The following SLF2 variants were observed in gnomAD, a reference collection of about 807,000 sequenced individuals.
SLF2 encodes the protein SMC5-SMC6 complex localization factor protein 2.
In SLF2, 68 loss-of-function variants were observed where a neutral mutation model predicts 124.3. That is an observed-to-expected ratio of 0.55 (90% CI 0.45 to 0.67). SLF2 has a LOEUF of 0.67. SLF2 is among the 30% of genes least tolerant of loss of function. The probability of loss-of-function intolerance (pLI) is 0.00; values close to 1 mark genes in which losing one functional copy is unlikely to be tolerated. For missense variants in SLF2, 1,246 were observed against 1,373.7 expected, an observed-to-expected ratio of 0.91 and a Z score of 1.47; for synonymous variants, 480 against 478.8, an observed-to-expected ratio of 1.00 and a Z score of -0.03.
intron 18 of SLF2, among the ~76,000 whole-genome samples, chr10:100,957,330 ATTTTTTTTTTTT>A (rs71013477): frequency 1.1e-4 from 10 of 91,866 alleles, no homozygotes; most frequent in Admixed American, 4.3e-4. Flanking sequence ...GGAGTCTTCA[ATTTTTTTTTTTT>A]TTTTTTTTTT....
intron 9 of SLF2, among the ~76,000 whole-genome samples, chr10:100,932,728 C>T (rs938365182): frequency 1.3e-4 from 20 of 150,236 alleles, no homozygotes; most frequent in Middle Eastern, 3.4e-3. Context: ...TGTGCGCGCG[C>T]GCGCGCGCGC....
chr10:100,938,528 T>C, intron 10 of SLF2, 67 bp from the exon 11 acceptor site: 2 of 1,480,220 alleles, frequency 1.4e-6, no homozygotes, highest in Non-Finnish European at 1.8e-6. Context: ...ACCTGCAGAC[T>C]GTCACCTTGC....
At chr10:100,931,781 C>T (rs895889880) in intron 9 of SLF2, among the ~76,000 whole-genome samples, 3 of 151,998 alleles carry the variant, frequency 2.0e-5, no homozygotes, top group African/African-American at 7.3e-5. Context: ...ATCATGAGGT[C>T]AGGAGCTGGA....
chr10:100,931,696 T>C (rs1564775582), intron 9 of SLF2, among the ~76,000 whole-genome samples: 1 of 152,188 alleles, frequency 6.6e-6, no homozygotes, highest in Non-Finnish European at 1.5e-5. Context: ...AGTTTCTTAC[T>C]CTTGACATTT....
chr10:100,956,955 A>G (rs553524224), intron 18 of SLF2, among the ~76,000 whole-genome samples: 1 of 152,310 alleles, frequency 6.6e-6, no homozygotes, highest in Non-Finnish European at 1.5e-5. Context: ...AAGATTAGAA[A>G]TAGGACTTTC....
At chr10:100,936,281 A>G (rs1849853993) in intron 9 of SLF2, among the ~76,000 whole-genome samples, 1 of 151,702 alleles carries the variant, frequency 6.6e-6, no homozygotes, top group African/African-American at 2.4e-5. Flanking sequence ...GATATTCTTG[A>G]TCATTGCCAA....
In SLF2 at chr10:100,913,043, G is replaced by C; in HGVS notation, c.-68G>C. ...CCGACAGCCTCCCGGAGTCCCAGCA[G>C]CAAGACGGCAACCACGCACCCAACT... is the stretch of plus-strand genomic sequence containing the variant. On this transcript the variant is annotated 5_prime_UTR_variant, in exon 1 of 20. Transcript: ENST00000238961. The C allele has an allele frequency of 6.4e-7, 1 of 1,562,888 alleles. No homozygotes were observed. The highest frequency in any genetic ancestry group is 2.3e-5 in the East Asian group (1 of 43,968).
chr10:100,956,151 C>T (rs183553327), intron 17 of SLF2, among the ~76,000 whole-genome samples: 188 of 151,764 alleles, frequency 1.2e-3, no homozygotes, highest in Non-Finnish European at 2.2e-3. Context: ...AAAGGAAGGA[C>T]TCTTTAAATT....
chr10:100,956,728 C>T (rs970030890), intron 18 of SLF2, among the ~76,000 whole-genome samples, 191 bp downstream of exon 18: 2 of 151,964 alleles, frequency 1.3e-5, no homozygotes, highest in African/African-American at 4.8e-5. Context: ...AGTTCAAGAC[C>T]AGCCTGGGCA....
At chr10:100,952,837 C>T (rs1368680352) in intron 17 of SLF2, among the ~76,000 whole-genome samples, 1 of 143,668 alleles carries the variant, frequency 7.0e-6, no homozygotes, top group Non-Finnish European at 1.5e-5. Flanking sequence ...TACTGGGGAG[C>T]CTGAGGCAGG....
At chr10:100,934,937 A>C (rs1442016494) in intron 9 of SLF2, among the ~76,000 whole-genome samples, 2 of 152,038 alleles carry the variant, frequency 1.3e-5, no homozygotes, top group Non-Finnish European at 2.9e-5. Flanking sequence ...TTACATTTTA[A>C]ATTTAAATGT....
chr10:100,915,907 G>C, intron 1 of SLF2, 92 bp from the exon 2 acceptor site: 2 of 1,016,048 alleles, frequency 2.0e-6, no homozygotes, highest in Non-Finnish European at 3.0e-6. Context: ...GTGAAATCCA[G>C]CCTTTATTTT....
chr10:100,932,660 C>T (rs1302798260), intron 9 of SLF2, among the ~76,000 whole-genome samples: 1 of 151,694 alleles, frequency 6.6e-6, no homozygotes, highest in Non-Finnish European at 1.5e-5. Context: ...TCTCATGAAG[C>T]CCACATGCTA....
In SLF2 at chr10:100,924,312, GA is replaced by G; in HGVS notation, c.1314del (p.Lys438AsnfsTer49). The G allele has an allele frequency of 1.2e-6, 2 of 1,614,034 alleles. No individual in the cohort carries two copies. Among genetic ancestry groups the G allele is most frequent in the Non-Finnish European group, 1.7e-6 (2 of 1,180,010 alleles). On this transcript the variant is annotated frameshift_variant, in exon 5 of 20. Coordinates refer to ENST00000238961, the MANE Select transcript of SLF2 (RefSeq NM_018121.4). LOFTEE classifies it high-confidence loss of function. ...VAGTKETKMQKPHLPLSQEKS... is the reference protein window; with the variant it reads ...VAGTKETKMQXPHLPLSQEKS... ...CAGGTACCAAGGAGACTAAGATGCA[GA>G]AACCCCACTTACCTTTATCTCAGGA...
chr10:100,947,938 G>T, intron 15 of SLF2, 91 bp downstream of exon 15: 1 of 878,960 alleles, frequency 1.1e-6, no homozygotes, highest in East Asian at 2.6e-5. Context: ...AAGGTCCTGG[G>T]GTCAGAGCTC....
At position 100,918,412 on chromosome 10, in the gene SLF2, C is replaced by A; in HGVS notation, c.944C>A (p.Ser315Tyr). 1 of 1,595,022 alleles carries A rather than the reference C, an allele frequency of 6.3e-7. No individual in the cohort carries two copies. Among genetic ancestry groups the A allele is most frequent in the East Asian group, 2.3e-5 (1 of 44,202 alleles). ...AATGGACATCTCTCAAGAAAAAGAT[C>A]CTCTTCTGATTCATGGGAACCTACT... Reference protein sequence around the residue: ...VENGHLSRKRSSSDSWEPTSA... With the variant: ...VENGHLSRKRYSSDSWEPTSA... Residue 315 changes from serine (S) to tyrosine (Y), a missense_variant, in exon 4 of 20, where the codon TCC (serine) becomes TAC (tyrosine). Around this residue, in one of 3 missense-constraint regions of SLF2, gnomAD observed 698 missense variants for 708.9 expected, o/e 0.98. Coordinates refer to ENST00000238961, the MANE Select transcript of SLF2 (RefSeq NM_018121.4).
At chr10:100,928,215 A>T (rs1849657095) in intron 6 of SLF2, among the ~76,000 whole-genome samples, 1 of 152,042 alleles carries the variant, frequency 6.6e-6, no homozygotes, top group African/African-American at 2.4e-5. Context: ...AGTGTCCTTG[A>T]ACCTAGCCTG....
At chr10:100,960,734 C>T (rs1010094327) in intron 19 of SLF2, among the ~76,000 whole-genome samples, 1 of 151,750 alleles carries the variant, frequency 6.6e-6, no homozygotes, top group African/African-American at 2.4e-5. Context: ...CTGTGTGTTG[C>T]CTTTCCTTTA....
In SLF2 at chr10:100,945,464, C is replaced by A. The variant is rs1309793716; in HGVS notation, c.2892C>A (p.Leu964=). 3 of 1,576,480 alleles carry A rather than the reference C, an allele frequency of 1.9e-6. No homozygotes were observed. In the African/African-American group the frequency reaches 4.2e-5, roughly 22 times the overall value. Residue 964 remains leucine (L), a synonymous_variant, in exon 13 of 20, where the codon CTC becomes CTA. Coordinates refer to ENST00000238961, the MANE Select transcript of SLF2 (RefSeq NM_018121.4). ...TTCCTTTAGTAGACTTTCAAAGCCT[C>A]CTGATAAACCTGATGAAAAACATCA... is the stretch of plus-strand genomic sequence containing the variant. ...KQIPLVDFQS[L]LINLMKNIRD...
Sources: gnomAD v4.1 joint callset for allele counts (sites outside exome capture counted in the v4.1 genomes callset) on GRCh38, gnomAD v4.1.1 for gene constraint, gnomAD v4.1.1 regional missense constraint, MANE v1.5 for transcripts, NCBI Gene and HGNC (gene_info 2026-07-23, HGNC 2026-07-21) for gene names.